PIK3C2G: variants seen among roughly 807,000 people sequenced by gnomAD.
PIK3C2G encodes the protein phosphatidylinositol-4-phosphate 3-kinase catalytic subunit type 2 gamma, also known as phosphatidylinositol 3-kinase C2 domain-containing subunit gamma.
In PIK3C2G, 168 loss-of-function variants were observed where a neutral mutation model predicts 181.1. That is an observed-to-expected ratio of 0.93 (90% CI 0.82 to 1.05). The LOEUF is 1.05. PIK3C2G is among the 50% of genes least tolerant of loss of function. The pLI is 0.00. For missense variants in PIK3C2G, 1,869 were observed against 1,732.8 expected, an observed-to-expected ratio of 1.08 and a Z score of -1.40; for synonymous variants, 573 against 592.2, an observed-to-expected ratio of 0.97 and a Z score of 0.47.
intron 12 of PIK3C2G, among the ~76,000 whole-genome samples, chr12:18,368,223 T>C (rs545284943): frequency 1.3e-5 from 2 of 152,342 alleles, no homozygotes; most frequent in Admixed American, 6.5e-5. Flanking sequence ...TTTACAAACC[T>C]GTGTATTAAA....
rs769851292 is a variant in PIK3C2G, at chr12:18,286,953, C to T, written c.761+24C>T. 3 of 1,319,052 alleles carry T rather than the reference C, an allele frequency of 2.3e-6. No individual in the cohort carries two copies. In the South Asian group the frequency reaches 4.3e-5, roughly 19 times the overall value. The allele number at this position is 1,319,052 out of a possible 1,614,324, so 81.7% of individuals were successfully genotyped here. Reference sequence around the variant, plus strand: ...AAGTGAGTACTGGTATTTCATTAAACTTTGAAATTTTTGTGCCTGAATAAA... The same window carrying T: ...AAGTGAGTACTGGTATTTCATTAAATTTTGAAATTTTTGTGCCTGAATAAA... On this transcript the variant is annotated intron_variant, in intron 3 of 32. Coordinates refer to ENST00000538779, the MANE Select transcript of PIK3C2G (RefSeq NM_001288772.2).
chr12:18,304,470 T>G (rs1014089928), intron 5 of PIK3C2G, among the ~76,000 whole-genome samples: 3 of 152,200 alleles, frequency 2.0e-5, no homozygotes, highest in Non-Finnish European at 4.4e-5. Context: ...TTGGCCAGGC[T>G]GGTCTCAAAT....
chr12:18,265,610 T>A (rs1003896592), intron 1 of PIK3C2G, among the ~76,000 whole-genome samples: 1 of 152,126 alleles, frequency 6.6e-6, no homozygotes, highest in East Asian at 1.9e-4. Context: ...CTCTCTTGCT[T>A]CATTTTGCAT....
At chr12:18,609,011 A>G (rs1948203382) in intron 30 of PIK3C2G, among the ~76,000 whole-genome samples, 1 of 152,110 alleles carries the variant, frequency 6.6e-6, no homozygotes. Context: ...CAAATTGACC[A>G]CTTACTACGT....
At chr12:18,491,354 C>T (rs1246685756) in intron 19 of PIK3C2G, 97 bp from the exon 20 acceptor site, 1 of 676,840 alleles carries the variant, frequency 1.5e-6, no homozygotes, top group Non-Finnish European at 2.5e-6. Flanking sequence ...ACCCTGAATT[C>T]AAGAATTCAT....
At chr12:18,590,437 A>G (rs1172595132) in intron 29 of PIK3C2G, among the ~76,000 whole-genome samples, 1 of 151,930 alleles carries the variant, frequency 6.6e-6, no homozygotes, top group Admixed American at 6.6e-5. Context: ...TTATTACTCT[A>G]GCTGGTAACC....
intron 25 of PIK3C2G, among the ~76,000 whole-genome samples, chr12:18,543,806 T>A (rs1944289871): frequency 6.6e-6 from 1 of 151,886 alleles, no homozygotes; most frequent in South Asian, 2.1e-4. Flanking sequence ...GAATCATGTG[T>A]TTTTTTATTC....
chr12:18,594,559 T>C lies in PIK3C2G; in HGVS notation c.4077T>C (p.Pro1359=). The C allele has an allele frequency of 1.3e-6, 2 of 1,528,582 alleles. No individual in the cohort carries two copies. Among genetic ancestry groups the C allele is most frequent in the Non-Finnish European group, 1.8e-6 (2 of 1,137,124 alleles). The allele number at this position is 1,528,582 out of a possible 1,614,324, so 94.7% of individuals were successfully genotyped here. A position where few individuals can be genotyped will look rare whatever the true frequency, so the allele number is the denominator to read the frequency against. The change falls in exon 30 of 33, where the codon CCT becomes CCC. Residue 1359 remains proline, a synonymous_variant. Transcript: ENST00000538779. The stretch of plus-strand genomic sequence containing the variant: ...AACAAACAGTTGAAGAATCATCACC[T>C]GTGTACCTAGGTAAGTAAATTTGTC... The part of the protein sequence containing the change: ...AVQQTVEESS[P]VYLGEKFPDK...
At chr12:18,353,716 A>G (rs1940446935) in intron 11 of PIK3C2G, among the ~76,000 whole-genome samples, 1 of 152,148 alleles carries the variant, frequency 6.6e-6, no homozygotes, top group Admixed American at 6.5e-5. Context: ...TCCTTATATC[A>G]GGGGCTGCCT....
chr12:18,468,041 C>G (rs928142888), intron 18 of PIK3C2G, among the ~76,000 whole-genome samples: 1 of 151,972 alleles, frequency 6.6e-6, no homozygotes, highest in Non-Finnish European at 1.5e-5. Context: ...ATGACATCAT[C>G]CTGTCACTCA....
chr12:18,715,410 G>GT, the PIK3C2G span, among the ~76,000 whole-genome samples: 109 of 146,946 alleles, frequency 7.4e-4, no homozygotes, highest in Non-Finnish European at 1.3e-3. Flanking sequence ...TTTTTTTTTT[G>GT]TTTTTTTTAG....
intron 13 of PIK3C2G, chr12:18,372,680 C>G (rs971972436): frequency 1.3e-5 from 2 of 152,334 alleles, no homozygotes; most frequent in Admixed American, 1.3e-4. Context: ...CCATTTTACT[C>G]TCCCATCATG....
At chr12:18,478,980 A>G (rs952390196) in intron 18 of PIK3C2G, among the ~76,000 whole-genome samples, 160 of 148,048 alleles carry the variant, frequency 1.1e-3, no homozygotes, top group Non-Finnish European at 2.1e-3. Context: ...GTCTCAAAAA[A>G]AAAAAAATAT....
intron 8 of PIK3C2G, among the ~76,000 whole-genome samples, chr12:18,333,524 A>G (rs375384389): frequency 2.0e-5 from 3 of 152,184 alleles, no homozygotes; most frequent in African/African-American, 7.2e-5. Flanking sequence ...CTTATGAATG[A>G]GAACATGCGG....
chr12:18,567,817 C>T (rs1260441476), intron 29 of PIK3C2G, among the ~76,000 whole-genome samples: 2 of 152,102 alleles, frequency 1.3e-5, no homozygotes, highest in Non-Finnish European at 2.9e-5. Context: ...TGGCTTTAAA[C>T]AGTACATATC....
intron 20 of PIK3C2G, among the ~76,000 whole-genome samples, chr12:18,494,388 G>A (rs1172035807): frequency 1.3e-5 from 2 of 151,730 alleles, no homozygotes; most frequent in African/African-American, 4.8e-5. Context: ...AACTTAATAT[G>A]TGTGTGTGTG....
chr12:18,645,196 T>C (rs1347908171), intron 32 of PIK3C2G, among the ~76,000 whole-genome samples: 1 of 152,108 alleles, frequency 6.6e-6, no homozygotes, highest in East Asian at 1.9e-4. Flanking sequence ...GCAGAATATA[T>C]ATTAAATCCT....
At chr12:18,575,843 C>T (rs965992267) in intron 29 of PIK3C2G, among the ~76,000 whole-genome samples, 3 of 152,194 alleles carry the variant, frequency 2.0e-5, no homozygotes, top group African/African-American at 2.4e-5. Context: ...ATGTCTAGCA[C>T]TAATACTCTT....
intron 16 of PIK3C2G, among the ~76,000 whole-genome samples, chr12:18,400,553 G>A (rs74426731): frequency 0.093 from 14,184 of 152,056 alleles, 795 homozygotes; most frequent in Non-Finnish European, 0.13. Context: ...GTGAAACCCC[G>A]CTCTATTCTG....
Sources: gnomAD v4.1 joint callset for allele counts (sites outside exome capture counted in the v4.1 genomes callset) on GRCh38, gnomAD v4.1.1 for gene constraint, MANE v1.5 for transcripts, NCBI Gene and HGNC (gene_info 2026-07-23, HGNC 2026-07-21) for gene names.